PCDH15: variants seen among roughly 807,000 people sequenced by gnomAD.
PCDH15 encodes protocadherin-15.
A neutral mutation model predicts 178.5 loss-of-function variants in PCDH15; 129 were observed. That is an observed-to-expected ratio of 0.72 (90% CI 0.63 to 0.84). PCDH15 has a LOEUF of 0.84. PCDH15 is among the 40% of genes least tolerant of loss of function. The pLI is 0.00. For synonymous variants in PCDH15, 800 were observed against 732.0 expected, an observed-to-expected ratio of 1.09 and a Z score of -1.50; for missense variants, 2,230 against 2,099.9, an observed-to-expected ratio of 1.06 and a Z score of -1.21.
rs555642825 is a variant in PCDH15, at chr10:53,928,947, C to G, written c.3373+9868G>C. Among the ~76,000 whole-genome samples the G allele has an allele frequency of 2.3e-3, 352 of 152,050 alleles. 3 individuals carry two copies. The highest frequency in any genetic ancestry group is 4.0e-3 in the Non-Finnish European group (269 of 67,896). On this transcript the variant is annotated intron_variant, in intron 25 of 37. Transcript: ENST00000644397. Reference sequence around the variant, plus strand: ...TGTATCTTCTCTCTTTAGTTCCAGGCTTATTCTTAGGTATAAGAAGGAGAA... The same window carrying G: ...TGTATCTTCTCTCTTTAGTTCCAGGGTTATTCTTAGGTATAAGAAGGAGAA...
intron 2 of PCDH15, among the ~76,000 whole-genome samples, chr10:55,472,046 T>C (rs970870929): frequency 6.6e-6 from 1 of 152,138 alleles, no homozygotes; most frequent in African/African-American, 2.4e-5. Flanking sequence ...TTTCTCAGAG[T>C]GTTCTCAGTT....
In PCDH15 at chr10:53,822,443, A is replaced by T. The variant is rs375134176; in HGVS notation, c.4368-2213T>A. The T allele has an allele frequency of 8.8e-6, 14 of 1,593,990 alleles. No homozygotes were observed. The African/African-American group carries it at 1.1e-4, about 13-fold the overall frequency. ...CAGGAGGAGGAGCAAGAGGAGCAGG[A>T]GCAGGAGGAGGAGAAGGAGGAGAAA... On this transcript the variant is annotated intron_variant, in intron 32 of 37. Transcript: ENST00000644397.
At chr10:55,418,597 A>G (rs767976921) in intron 2 of PCDH15, among the ~76,000 whole-genome samples, 20 of 151,798 alleles carry the variant, frequency 1.3e-4, no homozygotes, top group Non-Finnish European at 2.5e-4. Flanking sequence ...TTTTTAGCAC[A>G]TGATGGAGAC....
chr10:54,821,988 G>A (rs887992662), intron 3 of PCDH15, among the ~76,000 whole-genome samples: 3 of 152,114 alleles, frequency 2.0e-5, no homozygotes, highest in Non-Finnish European at 4.4e-5. Context: ...ACTTAAGCAA[G>A]TGAGACACTC....
intron 3 of PCDH15, among the ~76,000 whole-genome samples, chr10:54,820,285 T>C (rs995745642): frequency 3.3e-5 from 5 of 152,052 alleles, no homozygotes; most frequent in African/African-American, 1.2e-4. Flanking sequence ...ATGTTCTACA[T>C]GAAATGAATC....
chr10:54,886,779 A>G (rs1954367388), intron 3 of PCDH15, among the ~76,000 whole-genome samples: 1 of 152,188 alleles, frequency 6.6e-6, no homozygotes, highest in Admixed American at 6.5e-5. Flanking sequence ...TCTAGCTATT[A>G]TTTTTGCCAG....
At chr10:55,030,645 G>T (rs919134148) in intron 2 of PCDH15, among the ~76,000 whole-genome samples, 1 of 152,082 alleles carries the variant, frequency 6.6e-6, no homozygotes, top group African/African-American at 2.4e-5. Flanking sequence ...CATCAAATTA[G>T]AAACTTAGTA....
intron 5 of PCDH15, among the ~76,000 whole-genome samples, chr10:54,360,580 T>G (rs570997670): frequency 6.6e-6 from 1 of 152,250 alleles, no homozygotes; most frequent in African/African-American, 2.4e-5. Context: ...AGTTTTTTCA[T>G]AAATTTGTGG....
At chr10:54,066,148 C>G (rs2094133752) in intron 18 of PCDH15, among the ~76,000 whole-genome samples, 1 of 152,068 alleles carries the variant, frequency 6.6e-6, no homozygotes, top group African/African-American at 2.4e-5. Context: ...GACTTCTAGA[C>G]CAATTATTAT....
At chr10:55,335,369 T>A (rs960963216) in intron 2 of PCDH15, among the ~76,000 whole-genome samples, 1 of 151,894 alleles carries the variant, frequency 6.6e-6, no homozygotes. Context: ...AGAGCAAAAG[T>A]GACTTTAAAG....
intron 1 of PCDH15, among the ~76,000 whole-genome samples, chr10:55,192,490 C>G: frequency 6.6e-6 from 1 of 151,674 alleles, no homozygotes; most frequent in South Asian, 2.1e-4. Context: ...TTCTGGGTCA[C>G]TTCTTTTTTT....
intron 3 of PCDH15, among the ~76,000 whole-genome samples, chr10:54,411,402 T>C (rs531592152): frequency 3.7e-4 from 56 of 152,294 alleles, no homozygotes; most frequent in African/African-American, 1.3e-3. Flanking sequence ...CCAGTATAAC[T>C]GTAAGCCCTT....
intron 2 of PCDH15, among the ~76,000 whole-genome samples, chr10:55,101,658 T>G (rs958338485): frequency 6.6e-6 from 1 of 151,794 alleles, no homozygotes; most frequent in Non-Finnish European, 1.5e-5. Flanking sequence ...AGATCTAGTT[T>G]GTAAAGTATG....
chr10:55,526,268 G>A (rs549665179), intron 2 of PCDH15, among the ~76,000 whole-genome samples: 1 of 151,934 alleles, frequency 6.6e-6, no homozygotes, highest in East Asian at 1.9e-4. Context: ...ATAGTAAAAA[G>A]TATCATTATT....
intron 2 of PCDH15, among the ~76,000 whole-genome samples, chr10:54,583,602 A>T (rs547050528): frequency 4.7e-4 from 71 of 152,242 alleles, no homozygotes; most frequent in African/African-American, 1.4e-3. Context: ...AAACACATAG[A>T]AATTCTAACA....
At chr10:55,620,145 G>T (rs182425074) in intron 2 of PCDH15, among the ~76,000 whole-genome samples, 126 of 152,044 alleles carry the variant, frequency 8.3e-4, no homozygotes, top group African/African-American at 3.0e-3. Context: ...TTAAAAATGG[G>T]TTTGTTATTC....
At chr10:54,246,644 A>G (rs2055961727) in intron 8 of PCDH15, among the ~76,000 whole-genome samples, 1 of 151,780 alleles carries the variant, frequency 6.6e-6, no homozygotes. Context: ...TGCTCTTACG[A>G]ACACTCTTGA....
chr10:54,795,786 C>A (rs1951892001), intron 1 of PCDH15, among the ~76,000 whole-genome samples: 1 of 151,922 alleles, frequency 6.6e-6, no homozygotes, highest in Non-Finnish European at 1.5e-5. Context: ...AGGGTTGAAA[C>A]AAGGATTTAA....
intron 2 of PCDH15, among the ~76,000 whole-genome samples, chr10:55,607,042 A>G (rs901872260): frequency 6.6e-6 from 1 of 152,114 alleles, no homozygotes; most frequent in Admixed American, 6.6e-5. Flanking sequence ...AACTCAAACA[A>G]ATTTACAAGA....
Sources: gnomAD v4.1 joint callset for allele counts (sites outside exome capture counted in the v4.1 genomes callset) on GRCh38, gnomAD v4.1.1 for gene constraint, MANE v1.5 for transcripts, NCBI Gene and HGNC (gene_info 2026-07-23, HGNC 2026-07-21) for gene names.